The following DYNC2H1 variants were observed in gnomAD, a reference collection of about 807,000 sequenced individuals.
The protein encoded by DYNC2H1 is dynein cytoplasmic 2 heavy chain 1, also known as cytoplasmic dynein 2 heavy chain 1.
In DYNC2H1, 410 loss-of-function variants were observed where a neutral mutation model predicts 570.0. The ratio of observed to expected loss-of-function variants is 0.72; its 90% CI spans 0.66 to 0.78. The LOEUF is 0.78. Ranked by LOEUF, DYNC2H1 falls within the 30% of genes least tolerant of loss-of-function variation. DYNC2H1 has a pLI of 0.00. For synonymous variants in DYNC2H1, 1,688 were observed against 1,677.6 expected, an observed-to-expected ratio of 1.01 and a Z score of -0.15; for missense variants, 4,865 against 5,046.4, an observed-to-expected ratio of 0.96 and a Z score of 1.09.
rs1865067755 is a variant in DYNC2H1 at position 103,256,636 on chromosome 11, C to T, written c.10461+396C>T. Among the ~76,000 whole-genome samples the T allele has an allele frequency of 6.6e-6, 1 of 152,146 alleles. No homozygotes were observed. Among genetic ancestry groups the T allele is most frequent in the Non-Finnish European group, 1.5e-5 (1 of 68,014 alleles). ...TAAAAGGGTTATAAGCTCTAAGGTA[C>T]AGTTATTGGCTCTTTTCATGCTTAT... On this transcript the variant is annotated intron_variant, in intron 68 of 88. Coordinates refer to ENST00000375735, the MANE Select transcript of DYNC2H1 (RefSeq NM_001377.3). The surrounding 1 kb of genome is among the most constrained non-coding windows in gnomAD (Gnocchi z 4.0).
chr11:103,156,304 A>G (rs1445504606), intron 25 of DYNC2H1, 84 bp from the exon 26 acceptor site: 1 of 1,338,470 alleles, frequency 7.5e-7, no homozygotes, highest in Non-Finnish European at 1.0e-6. Flanking sequence ...GATAAAATAT[A>G]TTTTTCATAA....
At chr11:103,283,831 T>TAAAAG (rs1866240259) in intron 73 of DYNC2H1, among the ~76,000 whole-genome samples, 1 of 151,806 alleles carries the variant, frequency 6.6e-6, no homozygotes, top group African/African-American at 2.4e-5. Flanking sequence ...ATTGGTTGAG[T>TAAAAG]AAAAGAAATG....
At chr11:103,450,856 C>G (rs1173706331) in intron 85 of DYNC2H1, among the ~76,000 whole-genome samples, 1 of 151,976 alleles carries the variant, frequency 6.6e-6, no homozygotes, top group African/African-American at 2.4e-5. Context: ...CTAGACAGAC[C>G]CACTGGAATA....
intron 84 of DYNC2H1, among the ~76,000 whole-genome samples, chr11:103,428,770 A>AT (rs1182185567): frequency 6.6e-6 from 1 of 152,144 alleles, no homozygotes; most frequent in East Asian, 1.9e-4. Flanking sequence ...CTCACTGTGT[A>AT]TAACGTCCTC....
chr11:103,347,512 A>G (rs1409402993), intron 82 of DYNC2H1, among the ~76,000 whole-genome samples: 1 of 143,280 alleles, frequency 7.0e-6, no homozygotes, highest in African/African-American at 2.5e-5. Context: ...CGCTTAAGGA[A>G]TAAAAACAAG....
Position 103,117,615 on chromosome 11 carries a change from C to T in DYNC2H1, c.767-16C>T. On this transcript the variant is annotated splice_polypyrimidine_tract_variant and intron_variant, in intron 5 of 88. Transcript: ENST00000375735. The stretch of plus-strand genomic sequence containing the variant: ...ACATTTATTTCCCTTAAACTCTTTG[C>T]TTTATGTTTTATTAGGTGGTTCATT... 2 of 1,546,220 alleles carry T rather than the reference C, an allele frequency of 1.3e-6. No homozygotes were observed. Among genetic ancestry groups the T allele is most frequent in the South Asian group, 1.3e-5 (1 of 78,022 alleles).
At chr11:103,221,852 T>C (rs1863601073) in intron 57 of DYNC2H1, among the ~76,000 whole-genome samples, 178 bp from the exon 58 acceptor site, 1 of 152,162 alleles carries the variant, frequency 6.6e-6, no homozygotes. Context: ...CGAGACTCTG[T>C]CTCAAATCAA....
chr11:103,288,329 T>G (rs188370766), intron 75 of DYNC2H1, among the ~76,000 whole-genome samples: 2 of 152,244 alleles, frequency 1.3e-5, no homozygotes, highest in Admixed American at 1.3e-4. Context: ...GAGGTAATTA[T>G]GACAGTGAAA....
At chr11:103,162,301 G>C (rs1861128416) in intron 29 of DYNC2H1, among the ~76,000 whole-genome samples, 1 of 151,968 alleles carries the variant, frequency 6.6e-6, no homozygotes, top group Non-Finnish European at 1.5e-5. Flanking sequence ...AAAAAAGCTG[G>C]AACACAGAGT....
chr11:103,458,680 C>T (rs922770785), intron 87 of DYNC2H1, among the ~76,000 whole-genome samples: 2 of 151,844 alleles, frequency 1.3e-5, no homozygotes, highest in African/African-American at 4.8e-5. Context: ...TGTTAAAAAT[C>T]CATTATTTTT....
At chr11:103,240,197 C>T (rs1425354515) in intron 63 of DYNC2H1, among the ~76,000 whole-genome samples, 2 of 152,100 alleles carry the variant, frequency 1.3e-5, no homozygotes, top group African/African-American at 2.4e-5. Context: ...TGGATTCATT[C>T]TCAGATGGGT....
intron 75 of DYNC2H1, among the ~76,000 whole-genome samples, chr11:103,295,456 T>C (rs564613735): frequency 6.1e-4 from 93 of 152,328 alleles, no homozygotes; most frequent in African/African-American, 2.2e-3. Flanking sequence ...CTGGAGACTC[T>C]CCCAGCACTC....
chr11:103,371,983 C>T (rs1447828303), intron 83 of DYNC2H1, among the ~76,000 whole-genome samples: 1 of 66,842 alleles, frequency 1.5e-5, no homozygotes, highest in Admixed American at 2.3e-4. Context: ...CTAGAACTTT[C>T]ATTCCTATGT....
intron 15 of DYNC2H1, among the ~76,000 whole-genome samples, chr11:103,134,728 G>A (rs1199779610): frequency 6.6e-6 from 1 of 151,848 alleles, no homozygotes; most frequent in Admixed American, 6.6e-5. Context: ...CTAGGTGATC[G>A]TGATAGCCGT....
intron 84 of DYNC2H1, among the ~76,000 whole-genome samples, chr11:103,421,603 G>T (rs1019347203): frequency 1.3e-5 from 2 of 152,134 alleles, no homozygotes; most frequent in Non-Finnish European, 2.9e-5. Flanking sequence ...GCTCCTGAAT[G>T]ACTCTTGGGT....
intron 79 of DYNC2H1, among the ~76,000 whole-genome samples, chr11:103,313,984 A>T (rs1468124399): frequency 6.6e-6 from 1 of 152,150 alleles, no homozygotes; most frequent in African/African-American, 2.4e-5. Flanking sequence ...TCCTTAGCCT[A>T]ATATATCAAT....
chr11:103,283,970 T>C (rs750718337), intron 73 of DYNC2H1, among the ~76,000 whole-genome samples: 2 of 152,102 alleles, frequency 1.3e-5, no homozygotes, highest in African/African-American at 4.8e-5. Flanking sequence ...GTCAGGCTCT[T>C]GAACCTTCTT....
In DYNC2H1 at chr11:103,185,093, T is replaced by A. The variant is rs1395431124; in HGVS notation, c.6633+42T>A. ...GCCTATATTTAGTCAAAACTTTAAC[T>A]TTTCATTAACTCTTAACTGCCAAAA... On this transcript the variant is annotated intron_variant, in intron 41 of 88. Coordinates refer to ENST00000375735, the MANE Select transcript of DYNC2H1 (RefSeq NM_001377.3). This position sits in a 1 kb window ranked among gnomAD's most constrained non-coding sequence, Gnocchi z 4.5. The A allele has an allele frequency of 1.9e-6, 3 of 1,568,950 alleles. No individual in the cohort carries two copies. The highest frequency in any genetic ancestry group is 2.6e-6 in the Non-Finnish European group (3 of 1,151,542).
At chr11:103,423,870 G>A (rs1943577948) in intron 84 of DYNC2H1, among the ~76,000 whole-genome samples, 1 of 151,968 alleles carries the variant, frequency 6.6e-6, no homozygotes, top group Non-Finnish European at 1.5e-5. Flanking sequence ...AATATATAAA[G>A]ATCAGTTGTA....
Sources: allele counts gnomAD v4.1 joint callset (sites outside exome capture counted in the v4.1 genomes callset), GRCh38; gene constraint gnomAD v4.1.1; non-coding constraint Gnocchi (gnomAD v3.1); transcripts MANE v1.5; gene names NCBI Gene and HGNC (gene_info 2026-07-23, HGNC 2026-07-21).